The following NF2 variants were observed in gnomAD, a reference collection of about 807,000 sequenced individuals.
The protein encoded by NF2 is merlin.
In NF2, 8 loss-of-function variants were observed where a neutral mutation model predicts 83.7. The ratio of observed to expected loss-of-function variants is 0.10; its 90% CI spans 0.06 to 0.17. The LOEUF (loss-of-function observed/expected upper bound fraction) is 0.17. Ranked by LOEUF, NF2 falls within the 10% of genes least tolerant of loss-of-function variation. The pLI is 1.00. For synonymous variants in NF2, 266 were observed against 269.6 expected, an observed-to-expected ratio of 0.99 and a Z score of 0.13; for missense variants, 533 against 744.4, an observed-to-expected ratio of 0.72 and a Z score of 3.31.
At chr22:29,683,927 A>G (rs888824875) in intron 15 of NF2, 3 of 1,033,038 alleles carry the variant, frequency 2.9e-6, no homozygotes, top group Non-Finnish European at 3.5e-6. Flanking sequence ...TTCTCACCTA[A>G]TCCCCAGTAG....
At chr22:29,656,629 G>A (rs2066319510) in intron 6 of NF2, among the ~76,000 whole-genome samples, 1 of 151,634 alleles carries the variant, frequency 6.6e-6, no homozygotes, top group Non-Finnish European at 1.5e-5. Context: ...AGCCGGGATG[G>A]TCTCGATCTC....
At chr22:29,645,515 A>G (rs1266895369) in intron 4 of NF2, among the ~76,000 whole-genome samples, 2 of 152,258 alleles carry the variant, frequency 1.3e-5, no homozygotes, top group Non-Finnish European at 2.9e-5. Context: ...AATATTAGTA[A>G]GAGGAAAAAT....
chr22:29,663,418 C>G (rs1601627561), intron 8 of NF2, among the ~76,000 whole-genome samples: 2 of 152,238 alleles, frequency 1.3e-5, no homozygotes, highest in African/African-American at 4.8e-5. Context: ...AGACCCCAAG[C>G]TGACTTGACA....
At chr22:29,692,680 T>A (rs1187893314) in intron 15 of NF2, among the ~76,000 whole-genome samples, 2 of 152,178 alleles carry the variant, frequency 1.3e-5, no homozygotes, top group South Asian at 4.1e-4. Flanking sequence ...TACGTGACCT[T>A]GTTGTTGCCT....
intron 15 of NF2, among the ~76,000 whole-genome samples, chr22:29,689,721 A>T (rs1194617624): frequency 6.6e-6 from 1 of 152,112 alleles, no homozygotes; most frequent in Non-Finnish European, 1.5e-5. Context: ...CCCCAGCTTA[A>T]TTGTACAGCT....
At chr22:29,662,296 C>G (rs979482024) in intron 8 of NF2, among the ~76,000 whole-genome samples, 1 of 152,054 alleles carries the variant, frequency 6.6e-6, no homozygotes, top group Non-Finnish European at 1.5e-5. Flanking sequence ...CCACATCTGG[C>G]TAATTTTTTG....
intron 1 of NF2, among the ~76,000 whole-genome samples, chr22:29,606,912 G>A (rs1569261807): frequency 6.6e-6 from 1 of 152,148 alleles, no homozygotes; most frequent in African/African-American, 2.4e-5. Flanking sequence ...GGGCATGGGG[G>A]CATACACTTG....
At chr22:29,670,255 C>T (rs1187270582) in intron 10 of NF2, among the ~76,000 whole-genome samples, 2 of 152,140 alleles carry the variant, frequency 1.3e-5, no homozygotes, top group African/African-American at 4.8e-5. Context: ...ACTTCAGCCC[C>T]CCAAAGTGCT....
intron 3 of NF2, among the ~76,000 whole-genome samples, chr22:29,641,984 AG>A (rs2065822904): frequency 6.6e-6 from 1 of 152,164 alleles, no homozygotes; most frequent in Non-Finnish European, 1.5e-5. Flanking sequence ...AGAAGAGATA[AG>A]GGGTTTTTAT....
At chr22:29,675,077 A>G in intron 13 of NF2, 136 bp downstream of exon 13, 1 of 739,362 alleles carries the variant, frequency 1.4e-6, no homozygotes, top group Non-Finnish European at 2.3e-6. Flanking sequence ...AGGTGCAGAG[A>G]GCCTGCAGTT....
At chr22:29,658,163 G>T in intron 6 of NF2, 26 bp from the exon 7 acceptor site, 1 of 1,610,776 alleles carries the variant, frequency 6.2e-7, no homozygotes, top group South Asian at 1.1e-5. Context: ...TAGCTCCAAT[G>T]ACAGTGTCTT....
At chr22:29,643,839 G>A (rs1198078020) in intron 4 of NF2, among the ~76,000 whole-genome samples, 1 of 152,174 alleles carries the variant, frequency 6.6e-6, no homozygotes, top group African/African-American at 2.4e-5. Flanking sequence ...GCCGGGCAGA[G>A]GGGCTCCTTA....
In NF2 at chr22:29,695,436, G is replaced by T; in HGVS notation, c.*634G>T. 1 of 254,644 alleles carries T rather than the reference G, an allele frequency of 3.9e-6. No homozygotes were observed. Among genetic ancestry groups the T allele is most frequent in the Non-Finnish European group, 7.7e-6 (1 of 129,478 alleles). The allele number at this position is 254,644 out of a possible 1,614,324, so 15.8% of individuals were successfully genotyped here. On this transcript the variant is annotated 3_prime_UTR_variant, in exon 16 of 16. Transcript: ENST00000338641. This position sits in a 1 kb window ranked among gnomAD's most constrained non-coding sequence, Gnocchi z 5.4. ...GGCAGGGCAGCTGTGGCTGGGGAGAGACTTTAGGCAGAAGCTGTGATGCAG... is the reference window on the plus strand; with the variant it reads ...GGCAGGGCAGCTGTGGCTGGGGAGATACTTTAGGCAGAAGCTGTGATGCAG...
At chr22:29,626,788 T>C (rs2065379182) in intron 1 of NF2, among the ~76,000 whole-genome samples, 1 of 152,258 alleles carries the variant, frequency 6.6e-6, no homozygotes, top group African/African-American at 2.4e-5. Context: ...TTGTACTTGA[T>C]GTTTAGGCAT....
At chr22:29,689,499 A>G (rs955684524) in intron 15 of NF2, among the ~76,000 whole-genome samples, 4 of 151,952 alleles carry the variant, frequency 2.6e-5, no homozygotes, top group Non-Finnish European at 4.4e-5. Flanking sequence ...TCACATTTCA[A>G]TTCCACTGCA....
chr22:29,681,733 AT>A, intron 15 of NF2, 132 bp downstream of exon 15: 1 of 1,084,792 alleles, frequency 9.2e-7, no homozygotes, highest in Non-Finnish European at 1.4e-6. Flanking sequence ...AGTTGAGGAA[AT>A]TTTTTAACTT....
At chr22:29,666,780 C>T (rs1320348370) in intron 9 of NF2, among the ~76,000 whole-genome samples, 1 of 152,050 alleles carries the variant, frequency 6.6e-6, no homozygotes, top group Non-Finnish European at 1.5e-5. Context: ...AGTTCAAGAC[C>T]AGCCTGACCA....
intron 15 of NF2, among the ~76,000 whole-genome samples, chr22:29,687,623 C>T (rs1259202425): frequency 6.6e-6 from 1 of 152,174 alleles, no homozygotes; most frequent in Non-Finnish European, 1.5e-5. Context: ...TTAATATAGC[C>T]AACCCTCCTT....
At position 29,671,638 on chromosome 22, in the gene NF2, C is replaced by G. The variant is rs571189332; in HGVS notation, c.1000-188C>G. Among the ~76,000 whole-genome samples the G allele has an allele frequency of 7.2e-5, 11 of 152,174 alleles. No homozygotes were observed. The East Asian group carries it at 2.1e-3, about 29-fold the overall frequency. On this transcript the variant is annotated intron_variant, in intron 10 of 15. Coordinates refer to ENST00000338641, the MANE Select transcript of NF2 (RefSeq NM_000268.4). ...CTAGACTGTTTTTCAAGTGGCACAG[C>G]TTTCAACTCTGCAACTGGTTTAGAA...
Sources: gnomAD v4.1 joint callset for allele counts (sites outside exome capture counted in the v4.1 genomes callset) on GRCh38, gnomAD v4.1.1 for gene constraint, Gnocchi (gnomAD v3.1) non-coding constraint, MANE v1.5 for transcripts, NCBI Gene and HGNC (gene_info 2026-07-23, HGNC 2026-07-21) for gene names.